FRAS1: variants seen among roughly 807,000 people sequenced by gnomAD.
FRAS1 encodes the protein Fraser extracellular matrix complex subunit 1.
FRAS1 carries 290 observed loss-of-function variants against 435.2 expected under a neutral mutation model. The ratio of observed to expected loss-of-function variants is 0.67; its 90% CI spans 0.61 to 0.73. The LOEUF (loss-of-function observed/expected upper bound fraction) is 0.73. Ranked by LOEUF, FRAS1 falls within the 30% of genes least tolerant of loss-of-function variation. The pLI, the probability that FRAS1 is intolerant of heterozygous loss-of-function variation, is 0.00. For synonymous variants in FRAS1, 1,800 were observed against 1,851.0 expected (o/e 0.97, Z 0.71); for missense variants, 4,860 against 5,001.5 (o/e 0.97, Z 0.85).
intron 15 of FRAS1, among the ~76,000 whole-genome samples, chr4:78,309,854 CT>C (rs962571268): frequency 3.5e-4 from 53 of 151,398 alleles, no homozygotes; most frequent in Middle Eastern, 3.4e-3. Flanking sequence ...GCCAGGAGGA[CT>C]TTTTTTTTCA....
chr4:78,482,158 G>T (rs1720030931), intron 57 of FRAS1, among the ~76,000 whole-genome samples, 194 bp downstream of exon 57: 1 of 152,118 alleles, frequency 6.6e-6, no homozygotes. Context: ...GACATTTTTA[G>T]CATCAAATAT....
chr4:78,441,446 C>CA, intron 41 of FRAS1, 149 bp downstream of exon 41: 1 of 772,370 alleles, frequency 1.3e-6, no homozygotes, highest in South Asian at 1.8e-5. Context: ...AGGTTTCATT[C>CA]ATTCAACAAA....
At chr4:78,445,858 G>T in intron 42 of FRAS1, 146 bp downstream of exon 42, 4 of 1,374,912 alleles carry the variant, frequency 2.9e-6, no homozygotes, top group Non-Finnish European at 3.8e-6. Flanking sequence ...TAGCCTTCAG[G>T]AATCTTGTAG....
intron 14 of FRAS1, among the ~76,000 whole-genome samples, chr4:78,298,437 T>G (rs1728250166): frequency 6.6e-6 from 1 of 152,068 alleles, no homozygotes; most frequent in South Asian, 2.1e-4. Flanking sequence ...AAGTATATCA[T>G]TATAAGAGAT....
intron 2 of FRAS1, among the ~76,000 whole-genome samples, chr4:78,082,898 A>G (rs1019969592): frequency 1.3e-5 from 2 of 152,138 alleles, no homozygotes; most frequent in African/African-American, 4.8e-5. Context: ...TAGTTTCTCA[A>G]CACCTATACT....
At chr4:78,539,133 A>T (rs1235741237) in intron 72 of FRAS1, among the ~76,000 whole-genome samples, 161 bp from the exon 73 acceptor site, 2 of 152,128 alleles carry the variant, frequency 1.3e-5, no homozygotes, top group Non-Finnish European at 2.9e-5. Context: ...AAACCATATC[A>T]GGCAGCCACT....
intron 2 of FRAS1, among the ~76,000 whole-genome samples, chr4:78,212,969 G>C (rs994716426): frequency 1.3e-5 from 2 of 152,202 alleles, no homozygotes; most frequent in African/African-American, 4.8e-5. Context: ...AGTTGGGACG[G>C]TGATTCCTAG....
intron 2 of FRAS1, among the ~76,000 whole-genome samples, chr4:78,102,655 CA>C (rs1742191712): frequency 1.3e-5 from 2 of 152,178 alleles, no homozygotes; most frequent in East Asian, 3.9e-4. Flanking sequence ...TTGTGCAAGC[CA>C]AATATATAGT....
chr4:78,425,718 G>A (rs35355124), intron 35 of FRAS1, among the ~76,000 whole-genome samples: 47,755 of 152,042 alleles, frequency 0.31, 8,153 homozygotes, highest in Non-Finnish European at 0.38. Flanking sequence ...AATGATATAT[G>A]GCAGATTTTT....
In FRAS1 at chr4:78,542,967, A is replaced by C. The variant is rs1722102842; in HGVS notation, c.*1843A>C. The C allele has an allele frequency of 6.6e-6, 1 of 152,260 alleles. No individual in the cohort carries two copies. Among genetic ancestry groups the C allele is most frequent in the Admixed American group, 6.5e-5 (1 of 15,290 alleles). 9.4% of individuals were successfully genotyped at this position (152,260 alleles called of 1,614,324 possible). A position where few individuals can be genotyped will look rare whatever the true frequency, so the allele number is the denominator to read the frequency against. ...CTAAGGAAGCATGAGCAGAAAATTCATAAAAATGTATCATCAGCAGGAGAT... is the reference window on the plus strand; with the variant it reads ...CTAAGGAAGCATGAGCAGAAAATTCCTAAAAATGTATCATCAGCAGGAGAT... On this transcript the variant is annotated 3_prime_UTR_variant, in exon 74 of 74. Transcript: ENST00000512123.
At chr4:78,084,254 T>A (rs1741041156) in intron 2 of FRAS1, among the ~76,000 whole-genome samples, 4 of 152,156 alleles carry the variant, frequency 2.6e-5, no homozygotes, top group Non-Finnish European at 2.9e-5. Context: ...TATTTTACTA[T>A]GAGTTATTAT....
At chr4:78,463,933 C>A in intron 47 of FRAS1, 88 bp from the exon 48 acceptor site, 1 of 1,383,328 alleles carries the variant, frequency 7.2e-7, no homozygotes. Context: ...GACTCTCTAT[C>A]TGGTGAGAGT....
At chr4:78,218,642 T>C (rs1304108593) in intron 2 of FRAS1, among the ~76,000 whole-genome samples, 2 of 152,168 alleles carry the variant, frequency 1.3e-5, no homozygotes, top group Non-Finnish European at 2.9e-5. Flanking sequence ...CTGGCCCTAC[T>C]CTTGAGATTG....
At chr4:78,195,732 A>G (rs1384207885) in intron 2 of FRAS1, among the ~76,000 whole-genome samples, 1 of 152,096 alleles carries the variant, frequency 6.6e-6, no homozygotes, top group Non-Finnish European at 1.5e-5. Context: ...CGGATGAGGC[A>G]ATGCCTCACC....
In FRAS1 at chr4:78,541,402, T is replaced by G; in HGVS notation, c.*278T>G. 13 of 255,028 alleles carry G rather than the reference T, an allele frequency of 5.1e-5. No individual in the cohort carries two copies. Among genetic ancestry groups the G allele is most frequent in the East Asian group, 7.3e-5 (1 of 13,714 alleles). 15.8% of individuals were successfully genotyped at this position (255,028 alleles called of 1,614,324 possible). On this transcript the variant is annotated 3_prime_UTR_variant, in exon 74 of 74. Coordinates refer to ENST00000512123, the MANE Select transcript of FRAS1 (RefSeq NM_025074.7). ...GGCTGGTCTTAGAAAACAAGTACTT[T>G]AGTATCAGGACAGGAGTTGAACAAT... is the stretch of plus-strand genomic sequence containing the variant.
intron 31 of FRAS1, among the ~76,000 whole-genome samples, chr4:78,411,995 C>A (rs1306106706): frequency 3.3e-5 from 5 of 152,096 alleles, no homozygotes; most frequent in Admixed American, 3.3e-4. Context: ...AGTAAGAGAA[C>A]CCTTGAAAAG....
At chr4:78,514,351 G>A (rs915606896) in intron 65 of FRAS1, among the ~76,000 whole-genome samples, 1 of 152,240 alleles carries the variant, frequency 6.6e-6, no homozygotes, top group African/African-American at 2.4e-5. Context: ...AAAGAATTCT[G>A]TCCATTTCCA....
rs1253774924 is a variant in FRAS1, at chr4:78,265,124, C to T, written c.687+16C>T. 2 of 1,586,506 alleles carry T rather than the reference C, an allele frequency of 1.3e-6. No homozygotes were observed. Among genetic ancestry groups the T allele is most frequent in the Non-Finnish European group, 1.7e-6 (2 of 1,158,492 alleles). On this transcript the variant is annotated intron_variant, in intron 7 of 73. Coordinates refer to ENST00000512123, the MANE Select transcript of FRAS1 (RefSeq NM_025074.7). ...AGTATACGAGGTAAGCTTTCATGCT[C>T]CCCATGTAGGTGTTTTGACATCCGT... is the stretch of plus-strand genomic sequence containing the variant.
intron 2 of FRAS1, among the ~76,000 whole-genome samples, chr4:78,097,846 A>G (rs1238681647): frequency 6.6e-6 from 1 of 152,020 alleles, no homozygotes; most frequent in African/African-American, 2.4e-5. Context: ...GCCTCTAAAG[A>G]GATAATTAAG....
Sources: allele counts gnomAD v4.1 joint callset (sites outside exome capture counted in the v4.1 genomes callset), GRCh38; gene constraint gnomAD v4.1.1; transcripts MANE v1.5; gene names NCBI Gene and HGNC (gene_info 2026-07-23, HGNC 2026-07-21).